The following RGPD2 variants were observed in gnomAD, a reference collection of about 807,000 sequenced individuals.
RGPD2 encodes the protein RANBP2-like and GRIP domain-containing protein 2.
A neutral mutation model predicts 36.0 loss-of-function variants in RGPD2; 2 were observed. The observed-to-expected ratio is 0.06, with a 90% CI of 0.02 to 0.17. The LOEUF is 0.17. RGPD2 is among the 10% of genes least tolerant of loss of function. The probability of loss-of-function intolerance (pLI) is 1.00; values close to 1 mark genes in which losing one functional copy is unlikely to be tolerated. For synonymous variants in RGPD2, 19 were observed against 163.8 expected (o/e 0.12, Z 6.75); for missense variants, 40 against 464.3 (o/e 0.09, Z 8.40).
At chr2:87,839,796 G>A in the RGPD2 span, among the ~76,000 whole-genome samples, 1 of 151,786 alleles carries the variant, frequency 6.6e-6, no homozygotes, top group Non-Finnish European at 1.5e-5. Context: ...AGGAGGGTGA[G>A]GATTGAAAAT....
At chr2:87,962,200 A>G in the RGPD2 span, among the ~76,000 whole-genome samples, 2 of 150,816 alleles carry the variant, frequency 1.3e-5, no homozygotes, top group Non-Finnish European at 3.0e-5. Flanking sequence ...TTAAAATCTT[A>G]CTTTTAAAAC....
At chr2:87,937,206 G>C in the RGPD2 span, among the ~76,000 whole-genome samples, 1 of 151,816 alleles carries the variant, frequency 6.6e-6, no homozygotes, top group South Asian at 2.1e-4. Context: ...AGCCGGTAGA[G>C]TCAGGTCAAA....
the RGPD2 span, among the ~76,000 whole-genome samples, chr2:87,885,481 G>A: frequency 6.6e-6 from 1 of 151,670 alleles, no homozygotes; most frequent in Admixed American, 6.6e-5. Flanking sequence ...GTTAAATATA[G>A]TACTGGAAGT....
the RGPD2 span, among the ~76,000 whole-genome samples, chr2:87,834,653 T>TAAC: frequency 3.3e-5 from 5 of 152,044 alleles, no homozygotes; most frequent in South Asian, 1.0e-3. Flanking sequence ...TTATACACTG[T>TAAC]AACACATAAA....
chr2:87,985,746 C>A, the RGPD2 span: 1 of 1,603,372 alleles, frequency 6.2e-7, no homozygotes, highest in Non-Finnish European at 8.5e-7. Context: ...CCATGCTAAG[C>A]GGTCTGTGTT....
the RGPD2 span, among the ~76,000 whole-genome samples, chr2:87,911,729 T>C: frequency 2.0e-5 from 3 of 152,200 alleles, no homozygotes; most frequent in African/African-American, 7.2e-5. Context: ...TTACATTAAA[T>C]GCTTTATTTC....
the RGPD2 span, among the ~76,000 whole-genome samples, chr2:87,860,660 A>G: frequency 2.0e-5 from 3 of 152,048 alleles, no homozygotes; most frequent in South Asian, 2.1e-4. Context: ...ACAGGCCACA[A>G]TAGTTTCATT....
At chr2:87,915,641 T>C in the RGPD2 span, among the ~76,000 whole-genome samples, 3 of 147,488 alleles carry the variant, frequency 2.0e-5, no homozygotes, top group Non-Finnish European at 4.5e-5. Flanking sequence ...CGTGTATATA[T>C]ATACACATAT....
At chr2:87,903,369 T>C in the RGPD2 span, among the ~76,000 whole-genome samples, 9 of 152,110 alleles carry the variant, frequency 5.9e-5, no homozygotes, top group African/African-American at 2.2e-4. Context: ...CGGGAAAGAT[T>C]TGCAGTCAAA....
chr2:87,839,595 T>A, the RGPD2 span, among the ~76,000 whole-genome samples: 1 of 152,152 alleles, frequency 6.6e-6, no homozygotes, highest in African/African-American at 2.4e-5. Context: ...GCAGCCATAA[T>A]AAAGAAGAAA....
the RGPD2 span, chr2:87,972,751 C>G: frequency 6.2e-7 from 1 of 1,611,212 alleles, no homozygotes; most frequent in Non-Finnish European, 8.5e-7. Flanking sequence ...CAGGAGTGAA[C>G]AACCAGCCCT....
At chr2:87,918,591 G>A in the RGPD2 span, among the ~76,000 whole-genome samples, 1 of 151,602 alleles carries the variant, frequency 6.6e-6, no homozygotes, top group Non-Finnish European at 1.5e-5. Flanking sequence ...CTGGACACTG[G>A]ATATTACCTC....
the RGPD2 span, among the ~76,000 whole-genome samples, chr2:87,857,833 G>A: frequency 1.3e-5 from 2 of 150,134 alleles, no homozygotes; most frequent in Admixed American, 6.6e-5. Context: ...TGTTCTGGTT[G>A]CATATGTACA....
At chr2:87,959,868 C>CT in the RGPD2 span, among the ~76,000 whole-genome samples, 17 of 134,576 alleles carry the variant, frequency 1.3e-4, no homozygotes, top group Non-Finnish European at 1.4e-4. Context: ...TCAGCATCAT[C>CT]TTTTTTTTTA....
At chr2:87,818,020 T>TAAAA (rs1175812254) in intron 2 of RGPD2, among the ~76,000 whole-genome samples, 18 of 65,346 alleles carry the variant, frequency 2.8e-4, no homozygotes, top group East Asian at 2.0e-3. Context: ...AGATACTGAC[T>TAAAA]AAAAAAAAAA....
the RGPD2 span, among the ~76,000 whole-genome samples, chr2:87,973,753 A>G: frequency 6.7e-6 from 1 of 150,254 alleles, no homozygotes; most frequent in Non-Finnish European, 1.5e-5. Flanking sequence ...GTTCCTACTG[A>G]CTTACTTTGT....
At chr2:87,875,349 G>A in the RGPD2 span, among the ~76,000 whole-genome samples, 1 of 152,150 alleles carries the variant, frequency 6.6e-6, no homozygotes, top group Non-Finnish European at 1.5e-5. Flanking sequence ...TTTGATATAT[G>A]TGAATCTTAC....
At chr2:87,853,462 G>A in the RGPD2 span, among the ~76,000 whole-genome samples, 7 of 151,416 alleles carry the variant, frequency 4.6e-5, no homozygotes, top group East Asian at 3.9e-4. Context: ...AGCCTCAAGC[G>A]GTCCTCTCAC....
the RGPD2 span, among the ~76,000 whole-genome samples, chr2:87,988,541 A>ATATTT: frequency 6.2e-3 from 335 of 54,162 alleles, 22 homozygotes; most frequent in East Asian, 0.059. Flanking sequence ...ATATATATAT[A>ATATTT]TTTTTTTTTT....
Sources: allele counts gnomAD v4.1 joint callset (sites outside exome capture counted in the v4.1 genomes callset), GRCh38; gene constraint gnomAD v4.1.1; transcripts MANE v1.5; gene names NCBI Gene and HGNC (gene_info 2026-07-23, HGNC 2026-07-21).